Variants in CERS4 observed in about 807,000 individuals in gnomAD.
CERS4 encodes LAG1 homolog, ceramide synthase 4.
A neutral mutation model predicts 51.8 loss-of-function variants in CERS4; 65 were observed. The ratio of observed to expected loss-of-function variants is 1.26; its 90% confidence interval spans 1.03 to 1.54. The LOEUF is 1.54. CERS4 is among the 40% of genes most tolerant of loss of function. The pLI is 0.00. For missense variants in CERS4, 563 were observed against 500.4 expected, an observed-to-expected ratio of 1.13 and a Z score of -1.19; for synonymous variants, 228 against 208.4, an observed-to-expected ratio of 1.09 and a Z score of -0.81.
chr19:8,243,540 A>G (rs895325924), intron 2 of CERS4, among the ~76,000 whole-genome samples: 3 of 152,018 alleles, frequency 2.0e-5, no homozygotes, highest in Admixed American at 1.3e-4. Context: ...CCCCTCCCCA[A>G]CCAGAGTATC....
rs200803317 is a variant in CERS4 at position 8,251,168 on chromosome 19, G to A, written c.92G>A (p.Arg31His). Residue 31 changes from arginine to histidine, a missense_variant, in exon 3 of 12, where the codon CGT (arginine) becomes CAT (histidine). Transcript: ENST00000251363. ...TWTELEDRDG[R>H]VYPHPQDLLA... ...ACAGAGCTAGAAGACCGGGATGGCC[G>A]TGTCTACCCCCACCCCCAGGACTTG... 50 of 1,613,422 alleles carry A rather than the reference G, an allele frequency of 3.1e-5. No individual in the cohort carries two copies. Among genetic ancestry groups the A allele is most frequent in the South Asian group, 2.0e-4 (18 of 90,884 alleles).
At chr19:8,241,170 TA>T (rs1295907493) in intron 2 of CERS4, among the ~76,000 whole-genome samples, 1 of 152,052 alleles carries the variant, frequency 6.6e-6, no homozygotes, top group Non-Finnish European at 1.5e-5. Context: ...CCAGCAGCCT[TA>T]GGCACCTCAG....
At chr19:8,236,770 G>A (rs1458785711) in intron 2 of CERS4, among the ~76,000 whole-genome samples, 2 of 151,588 alleles carry the variant, frequency 1.3e-5, no homozygotes, top group Non-Finnish European at 2.9e-5. Context: ...GGGAGGCTAA[G>A]GCAGATGGAT....
At chr19:8,256,887 A>G in intron 8 of CERS4, 62 bp from the exon 9 acceptor site, 1 of 1,612,052 alleles carries the variant, frequency 6.2e-7, no homozygotes, top group Non-Finnish European at 8.5e-7. Context: ...TTCTTGGCCC[A>G]TAGGGTGGGG....
At position 8,226,220 on chromosome 19, in the gene CERS4, C is replaced by T. The variant is rs1393147864; in HGVS notation, c.-2+15358C>T. On this transcript the variant is annotated intron_variant, in intron 2 of 11. Coordinates refer to ENST00000251363, the MANE Select transcript of CERS4 (RefSeq NM_024552.3). ...CTGTCTTAAAAAAAAAGAATGGTAA[C>T]AGTATCTTCCTCAGGGTGTGACTGA... Among the ~76,000 whole-genome samples, 3 of 152,140 alleles carry T rather than the reference C, an allele frequency of 2.0e-5. No individual in the cohort carries two copies. In the East Asian group the frequency reaches 5.8e-4, roughly 29 times the overall value.
At chr19:8,238,440 C>T in intron 2 of CERS4, 1 of 915,100 alleles carries the variant, frequency 1.1e-6, no homozygotes, top group Non-Finnish European at 1.3e-6. Context: ...AAAAAGGGCA[C>T]TGATGCAGAG....
At chr19:8,250,415 T>C (rs1969016846) in intron 2 of CERS4, 1 of 152,426 alleles carries the variant, frequency 6.6e-6, no homozygotes, top group African/African-American at 2.4e-5. Context: ...CCAAGCACTT[T>C]AGGTTGAGAA....
chr19:8,246,758 G>A (rs1968806010), intron 2 of CERS4, among the ~76,000 whole-genome samples: 1 of 152,034 alleles, frequency 6.6e-6, no homozygotes, highest in Non-Finnish European at 1.5e-5. Context: ...AGAGGCAGAT[G>A]GGTGATGGAA....
At chr19:8,221,316 C>G (rs776988281) in intron 2 of CERS4, among the ~76,000 whole-genome samples, 6 of 152,044 alleles carry the variant, frequency 3.9e-5, no homozygotes, top group Non-Finnish European at 7.4e-5. Context: ...TGGTAACCTC[C>G]CCTTGAATCT....
chr19:8,254,462 C>T, intron 3 of CERS4, 37 bp from the exon 4 acceptor site: 1 of 1,599,494 alleles, frequency 6.3e-7, no homozygotes, highest in South Asian at 1.1e-5. Flanking sequence ...CCCATCTCTT[C>T]ACCTGGGCTG....
Position 8,261,937 on chromosome 19 carries a change from A to C in CERS4, c.1013A>C (p.Lys338Thr), listed in dbSNP as rs1377058043. 1 of 1,608,534 alleles carries C rather than the reference A, an allele frequency of 6.2e-7. No homozygotes were observed. The highest frequency in any genetic ancestry group is 2.2e-5 in the East Asian group (1 of 44,764). Residue 338 changes from lysine (K) to threonine (T), a missense_variant, in exon 12 of 12, where the codon AAG (lysine) becomes ACG (threonine). Transcript: ENST00000251363. ...CCTCTCTCTGTTCCCCAGATGGAGA[A>C]GGACATTCGTAGTGATGTAGAAGAA... The part of the protein sequence containing the change: ...YSFMKKGQME[K>T]DIRSDVEESD...
chr19:8,236,320 C>T (rs1297097408), intron 2 of CERS4, among the ~76,000 whole-genome samples: 2 of 152,146 alleles, frequency 1.3e-5, no homozygotes, highest in Non-Finnish European at 2.9e-5. Context: ...ATGACATATG[C>T]GTTAGTAAGG....
At chr19:8,261,897 G>T in intron 11 of CERS4, 33 bp from the exon 12 acceptor site, 2 of 1,611,934 alleles carry the variant, frequency 1.2e-6, no homozygotes, top group Non-Finnish European at 1.7e-6. Context: ...CTTCCTCCCT[G>T]CTCTGAGCTC....
chr19:8,241,702 C>G (rs1305966360), intron 2 of CERS4, among the ~76,000 whole-genome samples: 5 of 152,104 alleles, frequency 3.3e-5, no homozygotes, highest in African/African-American at 1.2e-4. Context: ...AACTGAGGCA[C>G]AGATAGGCCA....
At chr19:8,238,278 G>A (rs1968363579) in intron 2 of CERS4, among the ~76,000 whole-genome samples, 1 of 152,140 alleles carries the variant, frequency 6.6e-6, no homozygotes. Flanking sequence ...TCAGAAGAAA[G>A]GTCTAGGGGC....
intron 2 of CERS4, among the ~76,000 whole-genome samples, chr19:8,238,935 C>CA (rs946924272): frequency 1.3e-5 from 2 of 151,510 alleles, no homozygotes; most frequent in Non-Finnish European, 2.9e-5. Context: ...CCTATCTCTA[C>CA]AAAAAAATAA....
intron 2 of CERS4, among the ~76,000 whole-genome samples, chr19:8,247,469 G>A (rs1479583643): frequency 6.6e-6 from 1 of 152,030 alleles, no homozygotes; most frequent in Non-Finnish European, 1.5e-5. Flanking sequence ...CCTCAGGCTG[G>A]AGTATAGTGG....
chr19:8,260,236 C>G (rs1969608369), intron 10 of CERS4, among the ~76,000 whole-genome samples: 1 of 152,036 alleles, frequency 6.6e-6, no homozygotes, highest in African/African-American at 2.4e-5. Flanking sequence ...GCTCTGTCAC[C>G]TAGACTGGAG....
At chr19:8,218,898 TG>T (rs1181649064) in intron 2 of CERS4, among the ~76,000 whole-genome samples, 2 of 152,030 alleles carry the variant, frequency 1.3e-5, no homozygotes, top group Non-Finnish European at 2.9e-5. Flanking sequence ...CTTCACTGGG[TG>T]GATGGGTATC....
Sources: gnomAD v4.1 joint callset for allele counts (sites outside exome capture counted in the v4.1 genomes callset) on GRCh38, gnomAD v4.1.1 for gene constraint, MANE v1.5 for transcripts, NCBI Gene and HGNC (gene_info 2026-07-23, HGNC 2026-07-21) for gene names.